Variants in PRDM11 observed in about 807,000 individuals in gnomAD.
PRDM11 encodes the protein PR/SET domain 11, also known as PR domain-containing protein 11.
In PRDM11, 20 loss-of-function variants were observed where a neutral mutation model predicts 97.8. The observed-to-expected ratio is 0.20, with a 90% CI of 0.14 to 0.30. The LOEUF is 0.30. Ranked by LOEUF, PRDM11 falls within the 10% of genes least tolerant of loss-of-function variation. The probability of loss-of-function intolerance (pLI) is 1.00; values close to 1 mark genes in which losing one functional copy is unlikely to be tolerated. For missense variants in PRDM11, 1,139 were observed against 1,555.2 expected, an observed-to-expected ratio of 0.73 and a Z score of 4.50; for synonymous variants, 599 against 637.7, an observed-to-expected ratio of 0.94 and a Z score of 0.91.
At chr11:45,157,972 T>TGCAGGAGGTGAGCAGTGG (rs1174150313) in intron 1 of PRDM11, among the ~76,000 whole-genome samples, 42 of 152,326 alleles carry the variant, frequency 2.8e-4, no homozygotes, top group Admixed American at 7.8e-4. Flanking sequence ...ATGGGGTCTG[T>TGCAGGAGGTGAGCAGTGG]GCAGGAGGTG....
At position 45,233,854 on chromosome 11, in the gene PRDM11, T is replaced by A. The variant is rs1854448478; in HGVS notation, c.*5695T>A. On this transcript the variant is annotated 3_prime_UTR_variant, in exon 8 of 8. Coordinates refer to ENST00000683152, the MANE Select transcript of PRDM11 (RefSeq NM_001384648.1). ...CTACTCCAGTCCAGAAGCAGGGCTTTGGCCCAGCCCGCTCCGCGCAGCAGC... is the reference window on the plus strand; with the variant it reads ...CTACTCCAGTCCAGAAGCAGGGCTTAGGCCCAGCCCGCTCCGCGCAGCAGC... 1 of 152,324 alleles carries A rather than the reference T, an allele frequency of 6.6e-6. No homozygotes were observed. Among genetic ancestry groups the A allele is most frequent in the Non-Finnish European group, 1.5e-5 (1 of 68,126 alleles). The allele number at this position is 152,324 out of a possible 1,614,324, so 9.4% of individuals were successfully genotyped here. A position where few individuals can be genotyped will look rare whatever the true frequency, so the allele number is the denominator to read the frequency against.
intron 5 of PRDM11, chr11:45,216,069 A>G (rs575836419): frequency 5.2e-5 from 8 of 152,646 alleles, no homozygotes; most frequent in Non-Finnish European, 1.0e-4. Context: ...GTACTTACCT[A>G]TCCAGTCCCC....
chr11:45,161,466 AC>A (rs1025538804), intron 1 of PRDM11, among the ~76,000 whole-genome samples: 1 of 152,168 alleles, frequency 6.6e-6, no homozygotes, highest in African/African-American at 2.4e-5. Flanking sequence ...GAAGAAGGTC[AC>A]CCTGACCCCT....
intron 1 of PRDM11, among the ~76,000 whole-genome samples, chr11:45,122,932 G>T (rs1590354498): frequency 6.6e-6 from 1 of 151,224 alleles, no homozygotes; most frequent in East Asian, 1.9e-4. Flanking sequence ...CTTTCACAAT[G>T]GTTGAACTAG....
At chr11:45,119,995 C>T (rs192187403) in intron 1 of PRDM11, among the ~76,000 whole-genome samples, 1 of 152,156 alleles carries the variant, frequency 6.6e-6, no homozygotes, top group East Asian at 1.9e-4. Flanking sequence ...GGAAAAGATG[C>T]GCAAGATGGA....
At position 45,226,481 on chromosome 11, in the gene PRDM11, G is replaced by A; in HGVS notation, c.1856G>A (p.Cys619Tyr). Residue 619 changes from cysteine to tyrosine, a missense_variant, in exon 8 of 8, where the codon TGT becomes TAT. This residue lies in a region of PRDM11 where 710 missense variants were observed against 1,044.9 expected (regional missense o/e 0.68). Coordinates refer to ENST00000683152, the MANE Select transcript of PRDM11 (RefSeq NM_001384648.1). Reference sequence around the variant, plus strand: ...CCCCTGGCGGAGCTGCTGAGGAAGTGTGAGCTCAAGGTGGTGGACCAGTAC... The same window carrying A: ...CCCCTGGCGGAGCTGCTGAGGAAGTATGAGCTCAAGGTGGTGGACCAGTAC... ...FRPLAELLRKCELKVVDQYMN... is the reference protein window; with the variant it reads ...FRPLAELLRKYELKVVDQYMN... The A allele has an allele frequency of 6.5e-7, 1 of 1,533,970 alleles. No individual in the cohort carries two copies. Among genetic ancestry groups the A allele is most frequent in the Non-Finnish European group, 8.7e-7 (1 of 1,146,736 alleles).
chr11:45,128,510 TCC>T (rs1003969030), intron 1 of PRDM11, among the ~76,000 whole-genome samples: 1 of 62,682 alleles, frequency 1.6e-5, no homozygotes, highest in Non-Finnish European at 3.4e-5. Flanking sequence ...GCACCCCCCC[TCC>T]CCCCGCTGAT....
intron 1 of PRDM11, among the ~76,000 whole-genome samples, chr11:45,177,889 C>A (rs1326804441): frequency 6.6e-6 from 1 of 152,136 alleles, no homozygotes; most frequent in Non-Finnish European, 1.5e-5. Flanking sequence ...AACACTATCT[C>A]TGGTTGTTTC....
Position 45,228,740 on chromosome 11 carries a change from C to G in PRDM11, c.*581C>G, listed in dbSNP as rs1441099673. ...GGGGGTTGACCTTTCTCCCTCCCCA[C>G]CTGACTTCAGCTTGAGATCTTTTTT... On this transcript the variant is annotated 3_prime_UTR_variant, in exon 8 of 8. Coordinates refer to ENST00000683152, the MANE Select transcript of PRDM11 (RefSeq NM_001384648.1). 6.6e-6 allele frequency: 1 copy of G among 152,092 alleles called. No homozygotes were observed. The highest frequency in any genetic ancestry group is 2.4e-5 in the African/African-American group (1 of 41,398). The allele number at this position is 152,092 out of a possible 1,614,324, so 9.4% of individuals were successfully genotyped here. A position where few individuals can be genotyped will look rare whatever the true frequency, so the allele number is the denominator to read the frequency against.
At chr11:45,178,048 G>C (rs1273388839) in intron 1 of PRDM11, among the ~76,000 whole-genome samples, 2 of 152,122 alleles carry the variant, frequency 1.3e-5, no homozygotes, top group African/African-American at 2.4e-5. Context: ...GCCCACAGGG[G>C]GTGGTTTGCT....
At chr11:45,111,272 A>C (rs1015132134) in intron 1 of PRDM11, among the ~76,000 whole-genome samples, 7 of 55,046 alleles carry the variant, frequency 1.3e-4, no homozygotes, top group African/African-American at 2.3e-4. Flanking sequence ...ATGTCTCCCT[A>C]TTTTTGGTTC....
intron 1 of PRDM11, among the ~76,000 whole-genome samples, chr11:45,130,935 A>G (rs1852704996): frequency 6.6e-6 from 1 of 152,182 alleles, no homozygotes; most frequent in Non-Finnish European, 1.5e-5. Context: ...ACACATGTCC[A>G]TCAAAAAAGC....
At chr11:45,205,889 T>G (rs964430451) in intron 5 of PRDM11, among the ~76,000 whole-genome samples, 1 of 152,064 alleles carries the variant, frequency 6.6e-6, no homozygotes, top group Non-Finnish European at 1.5e-5. Flanking sequence ...CTCTTATGGG[T>G]TAGGGAAGGT....
Position 45,162,151 on chromosome 11 carries a change from C to T in PRDM11, c.-7+15274C>T, listed in dbSNP as rs1291406010. On this transcript the variant is annotated intron_variant, in intron 1 of 7. Transcript: ENST00000683152. ...CCCTGGGCCCTGCCCTTCCCCAGCA[C>T]CAGCCCTGGACCCTCTGGGTACCTA... is the stretch of plus-strand genomic sequence containing the variant. Among the ~76,000 whole-genome samples the T allele has an allele frequency of 2.0e-5, 3 of 152,314 alleles. No individual in the cohort carries two copies. In the South Asian group the frequency reaches 6.2e-4, roughly 32 times the overall value.
chr11:45,097,126 C>T (rs1474142066), intron 1 of PRDM11, among the ~76,000 whole-genome samples: 3 of 152,256 alleles, frequency 2.0e-5, no homozygotes, highest in Non-Finnish European at 2.9e-5. Context: ...CCTTTACCTT[C>T]ATCCTGTATG....
chr11:45,223,554 G>T (rs529554066), intron 6 of PRDM11, among the ~76,000 whole-genome samples: 1 of 152,120 alleles, frequency 6.6e-6, no homozygotes, highest in Non-Finnish European at 1.5e-5. Context: ...AGCCCTCAGC[G>T]CCATAGGTCT....
At chr11:45,210,700 T>G (rs540778953) in intron 5 of PRDM11, among the ~76,000 whole-genome samples, 18 of 152,314 alleles carry the variant, frequency 1.2e-4, no homozygotes, top group African/African-American at 4.3e-4. Flanking sequence ...AGTCAGATGT[T>G]TAGGACTGGA....
chr11:45,180,140 C>G (rs1404133366), intron 1 of PRDM11, among the ~76,000 whole-genome samples: 1 of 152,274 alleles, frequency 6.6e-6, no homozygotes, highest in Non-Finnish European at 1.5e-5. Context: ...CGGGTGTGGT[C>G]TGCATGACCT....
At chr11:45,110,054 C>T (rs1167661413) in intron 1 of PRDM11, among the ~76,000 whole-genome samples, 1 of 152,202 alleles carries the variant, frequency 6.6e-6, no homozygotes, top group African/African-American at 2.4e-5. Flanking sequence ...TAGGAAAACT[C>T]AGTGACCCAA....
Sources: allele counts gnomAD v4.1 joint callset (sites outside exome capture counted in the v4.1 genomes callset), GRCh38; gene constraint gnomAD v4.1.1; regional missense constraint gnomAD v4.1.1; transcripts MANE v1.5; gene names NCBI Gene and HGNC (gene_info 2026-07-23, HGNC 2026-07-21).